Variants in RASGRF2 observed in about 807,000 individuals in gnomAD.
The protein encoded by RASGRF2 is ras-specific guanine nucleotide-releasing factor 2.
RASGRF2 carries 76 observed loss-of-function variants against 151.0 expected under a neutral mutation model. The observed-to-expected ratio is 0.50, with a 90% CI of 0.42 to 0.61. RASGRF2 has a LOEUF of 0.61. Ranked by LOEUF, RASGRF2 falls within the 20% of genes least tolerant of loss-of-function variation. RASGRF2 has a pLI of 0.00. For synonymous variants in RASGRF2, 504 were observed against 566.5 expected (o/e 0.89, Z 1.57); for missense variants, 1,148 against 1,564.6 (o/e 0.73, Z 4.49).
At chr5:81,192,374 GC>G (rs1755169754) in intron 18 of RASGRF2, among the ~76,000 whole-genome samples, 1 of 152,168 alleles carries the variant, frequency 6.6e-6, no homozygotes, top group Admixed American at 6.5e-5. Flanking sequence ...CAAACTTATT[GC>G]CCTTCCTTAT....
intron 1 of RASGRF2, among the ~76,000 whole-genome samples, chr5:81,027,449 C>T (rs1415973753): frequency 6.6e-6 from 1 of 152,214 alleles, no homozygotes; most frequent in Non-Finnish European, 1.5e-5. Context: ...CACCCATTAG[C>T]AGTCACTCTG....
chr5:81,072,320 A>C (rs1751801100), intron 4 of RASGRF2, among the ~76,000 whole-genome samples: 1 of 152,230 alleles, frequency 6.6e-6, no homozygotes, highest in Non-Finnish European at 1.5e-5. Context: ...CCTGTATAAA[A>C]ACTGATAACA....
At chr5:81,074,066 G>A in intron 5 of RASGRF2, among the ~76,000 whole-genome samples, 1 of 152,168 alleles carries the variant, frequency 6.6e-6, no homozygotes, top group Non-Finnish European at 1.5e-5. Context: ...AGTGATTATG[G>A]GTTTTTACAT....
chr5:81,194,254 G>A (rs546144734), intron 18 of RASGRF2, among the ~76,000 whole-genome samples: 7 of 151,918 alleles, frequency 4.6e-5, no homozygotes, highest in African/African-American at 1.4e-4. Context: ...TACTTGGGAG[G>A]CCGAGGTGGC....
At chr5:81,062,117 T>C (rs551977869) in intron 2 of RASGRF2, among the ~76,000 whole-genome samples, 1 of 152,226 alleles carries the variant, frequency 6.6e-6, no homozygotes, top group East Asian at 1.9e-4. Flanking sequence ...GTTGGGATTG[T>C]AAGCATAGGC....
chr5:81,026,127 C>A (rs1324550909), intron 1 of RASGRF2, among the ~76,000 whole-genome samples: 1 of 143,626 alleles, frequency 7.0e-6, no homozygotes, highest in Non-Finnish European at 1.5e-5. Context: ...CCTCTCTTTC[C>A]CTCCCTTTCT....
intron 17 of RASGRF2, among the ~76,000 whole-genome samples, chr5:81,152,084 C>T (rs1295973749): frequency 6.6e-6 from 1 of 152,112 alleles, no homozygotes; most frequent in Non-Finnish European, 1.5e-5. Context: ...TCACTGCAAC[C>T]TCCGCCTCCC....
Position 81,013,152 on chromosome 5 carries a change from G to A in RASGRF2, c.289-29725G>A, listed in dbSNP as rs143189751. ...ACTCTAGCAGGCAGTTTACTTGGCT[G>A]ACTCAGTCTCCAAACTCTGTCTTTC... On this transcript the variant is annotated intron_variant, in intron 1 of 26. Coordinates refer to ENST00000265080, the MANE Select transcript of RASGRF2 (RefSeq NM_006909.3). 5.3e-3 allele frequency among the ~76,000 whole-genome samples: 808 copies of A among 152,308 alleles called. 8 individuals carry two copies. Among genetic ancestry groups the A allele is most frequent in the African/African-American group, 0.019 (773 of 41,560 alleles).
At chr5:81,057,000 T>C (rs989423264) in intron 2 of RASGRF2, among the ~76,000 whole-genome samples, 1 of 152,182 alleles carries the variant, frequency 6.6e-6, no homozygotes, top group Non-Finnish European at 1.5e-5. Context: ...CCTCCATCCC[T>C]TTATTTTGAG....
intron 17 of RASGRF2, among the ~76,000 whole-genome samples, chr5:81,143,706 A>G (rs1231997298): frequency 2.0e-5 from 3 of 151,956 alleles, no homozygotes; most frequent in African/African-American, 4.8e-5. Flanking sequence ...CCTGGCCAAC[A>G]TGGTGAAATC....
At chr5:81,157,303 C>A (rs1754283422) in intron 17 of RASGRF2, among the ~76,000 whole-genome samples, 1 of 150,520 alleles carries the variant, frequency 6.6e-6, no homozygotes, top group Admixed American at 6.6e-5. Flanking sequence ...TTGCAGTGAG[C>A]CGAGATCGCG....
chr5:81,020,198 A>G (rs1749780545), intron 1 of RASGRF2, among the ~76,000 whole-genome samples: 1 of 152,198 alleles, frequency 6.6e-6, no homozygotes, highest in Non-Finnish European at 1.5e-5. Context: ...TAAGAGGAAG[A>G]GTCTTTCGTG....
At chr5:80,989,789 C>T (rs925603909) in intron 1 of RASGRF2, among the ~76,000 whole-genome samples, 1 of 152,162 alleles carries the variant, frequency 6.6e-6, no homozygotes, top group African/African-American at 2.4e-5. Context: ...CATTGTAACA[C>T]AGTGTAGTTA....
At chr5:81,008,379 G>A (rs1333265783) in intron 1 of RASGRF2, among the ~76,000 whole-genome samples, 2 of 152,028 alleles carry the variant, frequency 1.3e-5, no homozygotes, top group Admixed American at 6.5e-5. Flanking sequence ...TCAAACTCGT[G>A]ACCTCCAGTG....
chr5:81,025,285 G>A (rs925871192), intron 1 of RASGRF2, among the ~76,000 whole-genome samples: 5 of 152,168 alleles, frequency 3.3e-5, no homozygotes, highest in Non-Finnish European at 7.3e-5. Context: ...CCGTTGGTGG[G>A]TGTATTACTT....
intron 15 of RASGRF2, among the ~76,000 whole-genome samples, chr5:81,121,707 A>G (rs996037352): frequency 6.6e-6 from 1 of 152,148 alleles, no homozygotes; most frequent in Non-Finnish European, 1.5e-5. Flanking sequence ...CTTCAACCCC[A>G]GGTGCTTCTA....
chr5:81,013,595 TTA>T (rs149298620), intron 1 of RASGRF2, among the ~76,000 whole-genome samples: 2,116 of 148,786 alleles, frequency 0.014, 22 homozygotes, highest in Non-Finnish European at 0.02. Flanking sequence ...AATATATTTG[TTA>T]TATATATATA....
intron 18 of RASGRF2, among the ~76,000 whole-genome samples, chr5:81,181,096 A>G (rs1561248388): frequency 6.6e-6 from 1 of 152,310 alleles, no homozygotes; most frequent in East Asian, 1.9e-4. Flanking sequence ...TAAAAGAAAT[A>G]TAATCAAATT....
chr5:81,038,087 A>G (rs1026095399), intron 1 of RASGRF2, among the ~76,000 whole-genome samples: 1 of 152,220 alleles, frequency 6.6e-6, no homozygotes, highest in Non-Finnish European at 1.5e-5. Context: ...ATATATTATT[A>G]TACAGATATG....
Sources: allele counts gnomAD v4.1 joint callset (sites outside exome capture counted in the v4.1 genomes callset), GRCh38; gene constraint gnomAD v4.1.1; transcripts MANE v1.5; gene names NCBI Gene and HGNC (gene_info 2026-07-23, HGNC 2026-07-21).